The following ERGIC3 variants were observed in gnomAD, a reference collection of about 807,000 sequenced individuals.
ERGIC3 encodes the protein endoplasmic reticulum-Golgi intermediate compartment protein 3.
Under a neutral mutation model 54.7 loss-of-function variants are expected in ERGIC3, and 33 were observed. The ratio of observed to expected loss-of-function variants is 0.60; its 90% confidence interval spans 0.46 to 0.81. ERGIC3 has a LOEUF of 0.81. Among genes scored for constraint, ERGIC3 ranks in the 30% least tolerant of loss-of-function variants. The pLI, the probability that ERGIC3 is intolerant of heterozygous loss-of-function variation, is 0.00. For missense variants in ERGIC3, 399 were observed against 488.4 expected, an observed-to-expected ratio of 0.82 and a Z score of 1.73; for synonymous variants, 186 against 189.8, an observed-to-expected ratio of 0.98 and a Z score of 0.16.
chr20:35,548,426 A>C, intron 5 of ERGIC3, 83 bp from the exon 6 acceptor site: 1 of 1,455,572 alleles, frequency 6.9e-7, no homozygotes. Context: ...TAGCAGGCAG[A>C]GCTGCTCGGG....
Position 35,543,081 on chromosome 20 carries a change from C to T in ERGIC3, c.367+140C>T. On this transcript the variant is annotated intron_variant, in intron 4 of 12. Coordinates refer to ENST00000348547, the MANE Select transcript of ERGIC3 (RefSeq NM_015966.3). ...GAAGTCAAGTGACTTGCCTAGGGTCCCCCAGCTAGTAAGAGTCAGAGTGAG... is the reference window on the plus strand; with the variant it reads ...GAAGTCAAGTGACTTGCCTAGGGTCTCCCAGCTAGTAAGAGTCAGAGTGAG... 3 of 1,246,896 alleles carry T rather than the reference C, an allele frequency of 2.4e-6. No individual in the cohort carries two copies. In the Admixed American group the frequency reaches 6.0e-5, roughly 25 times the overall value. The allele number at this position is 1,246,896 out of a possible 1,614,324, so 77.2% of individuals were successfully genotyped here. A position where few individuals can be genotyped will look rare whatever the true frequency, so the allele number is the denominator to read the frequency against.
In ERGIC3 at chr20:35,548,672, A is replaced by G; in HGVS notation, c.625A>G (p.Lys209Glu). Residue 209 changes from lysine to glutamate, a missense_variant and splice_region_variant, in exon 6 of 13, where the codon AAG becomes GAG. Coordinates refer to ENST00000348547, the MANE Select transcript of ERGIC3 (RefSeq NM_015966.3). ...GGTGTATGGCTTCTTGGAAGTCAAT[A>G]AGGTATCAGGAGGGATCAAGACAAG... is the stretch of plus-strand genomic sequence containing the variant. ...CQVYGFLEVN[K>E]VAGNFHFAPG... is the part of the protein sequence containing the mutation. The G allele has an allele frequency of 6.2e-7, 1 of 1,614,242 alleles. No homozygotes were observed. The highest frequency in any genetic ancestry group is 1.3e-5 in the African/African-American group (1 of 75,070).
intron 7 of ERGIC3, among the ~76,000 whole-genome samples, chr20:35,553,020 A>ATTGTTTTTTTTTTTTTT (rs2064689768): frequency 2.4e-5 from 1 of 41,552 alleles, no homozygotes; most frequent in Admixed American, 4.5e-4. Context: ...AAAGCTGGGG[A>ATTGTTTTTTTTTTTTTT]TTTTTTTTTT....
chr20:35,548,684 G>A lies in ERGIC3; in HGVS notation c.627+10G>A. On this transcript the variant is annotated intron_variant, in intron 6 of 12. Transcript: ENST00000348547. The stretch of plus-strand genomic sequence containing the variant: ...CTTGGAAGTCAATAAGGTATCAGGA[G>A]GGATCAAGACAAGATAGGGCCAGCT... The A allele has an allele frequency of 6.2e-7, 1 of 1,614,256 alleles. No individual in the cohort carries two copies. The highest frequency in any genetic ancestry group is 8.5e-7 in the Non-Finnish European group (1 of 1,180,046).
At position 35,548,549 on chromosome 20, in the gene ERGIC3, C is replaced by G; in HGVS notation, c.502C>G (p.Arg168Gly). 1 of 1,614,170 alleles carries G rather than the reference C, an allele frequency of 6.2e-7. No individual in the cohort carries two copies. The highest frequency in any genetic ancestry group is 8.5e-7 in the Non-Finnish European group (1 of 1,180,042). The stretch of plus-strand genomic sequence containing the variant: ...TGAAGATGTGCGGGAGGCATATCGC[C>G]GTAGAGGCTGGGCCTTCAAGAACCC... ...TCEDVREAYR[R>G]RGWAFKNPDT... The change falls in exon 6 of 13, where the codon CGT becomes GGT. Residue 168 changes from arginine (R) to glycine (G), a missense_variant. Coordinates refer to ENST00000348547, the MANE Select transcript of ERGIC3 (RefSeq NM_015966.3).
intron 10 of ERGIC3, 23 bp from the exon 11 acceptor site, chr20:35,556,950 C>G (rs775717022): frequency 6.2e-7 from 1 of 1,613,774 alleles, no homozygotes; most frequent in Admixed American, 1.7e-5. Flanking sequence ...CTAGCCCTGG[C>G]CCAGGCTCCC....
chr20:35,543,055 A>G, intron 4 of ERGIC3, 114 bp downstream of exon 4: 2 of 1,520,946 alleles, frequency 1.3e-6, no homozygotes, highest in Non-Finnish European at 1.8e-6. Flanking sequence ...TAAGAGCTAG[A>G]GAAGTCAAGT....
intron 4 of ERGIC3, chr20:35,543,995 TG>T (rs1490007663): frequency 1.4e-5 from 4 of 289,192 alleles, no homozygotes; most frequent in African/African-American, 6.6e-5. Context: ...TAAGGATTGA[TG>T]GGGCACTGAA....
intron 12 of ERGIC3, 59 bp downstream of exon 12, chr20:35,557,308 C>T (rs2064719931): frequency 6.2e-7 from 1 of 1,612,680 alleles, no homozygotes; most frequent in Non-Finnish European, 8.5e-7. Context: ...CTGGGTGCCC[C>T]AGGTTTGGTT....
At chr20:35,549,059 C>A (rs999376404) in intron 7 of ERGIC3, 194 bp downstream of exon 7, 110 of 697,442 alleles carry the variant, frequency 1.6e-4, no homozygotes, top group Non-Finnish European at 3.2e-5. Flanking sequence ...CATTCAGATA[C>A]CAGTTTCAGA....
At chr20:35,556,937 G>GC in intron 10 of ERGIC3, 36 bp from the exon 11 acceptor site, 1 of 1,613,384 alleles carries the variant, frequency 6.2e-7, no homozygotes, top group Non-Finnish European at 8.5e-7. Context: ...CCAGGTCCTA[G>GC]CCCTAGCCCT....
At chr20:35,556,519 C>T in intron 10 of ERGIC3, 1 of 549,680 alleles carries the variant, frequency 1.8e-6, no homozygotes, top group South Asian at 2.1e-5. Context: ...TGCCCACCGT[C>T]TGCCTGCCTC....
chr20:35,542,210 G>C (rs1302762554), intron 1 of ERGIC3, 25 bp downstream of exon 1: 3 of 1,586,502 alleles, frequency 1.9e-6, no homozygotes, highest in Non-Finnish European at 1.7e-6. Context: ...GGCCGGGGTC[G>C]CGTGGAGGGG....
intron 5 of ERGIC3, 114 bp downstream of exon 5, chr20:35,547,619 C>T (rs952309943): frequency 3.4e-5 from 30 of 876,184 alleles, no homozygotes; most frequent in Non-Finnish European, 4.8e-5. Flanking sequence ...CTAGAGTGGG[C>T]GGGGTATGTG....
At chr20:35,554,496 G>T (rs1005464699) in intron 7 of ERGIC3, 6 of 1,178,410 alleles carry the variant, frequency 5.1e-6, no homozygotes, top group Non-Finnish European at 7.5e-6. Flanking sequence ...CTCTGACCTG[G>T]CTGCTGGGTG....
chr20:35,548,706 A>C, intron 6 of ERGIC3, 32 bp downstream of exon 6: 1 of 1,614,208 alleles, frequency 6.2e-7, no homozygotes, highest in Non-Finnish European at 8.5e-7. Flanking sequence ...AGATAGGGCC[A>C]GCTGGGCTGG....
intron 7 of ERGIC3, 40 bp downstream of exon 7, chr20:35,548,905 C>A: frequency 6.2e-7 from 1 of 1,609,680 alleles, no homozygotes; most frequent in Non-Finnish European, 8.5e-7. Flanking sequence ...TAGATGCTGG[C>A]CACCTTCTTG....
At position 35,547,505 on chromosome 20, in the gene ERGIC3, A is replaced by C; in HGVS notation, c.461A>C (p.Lys154Thr). Reference sequence around the variant, plus strand: ...TATGGTGCTGAGGCAGAAGATATCAAGTGAGCTGGCGGGGAGCGGGAGCAG... The same window carrying C: ...TATGGTGCTGAGGCAGAAGATATCACGTGAGCTGGCGGGGAGCGGGAGCAG... ...SCYGAEAEDI[K>T]CCNTCEDVRE... The change falls in exon 5 of 13, where the codon AAG becomes ACG. Residue 154 changes from lysine to threonine, a missense_variant and splice_region_variant. Coordinates refer to ENST00000348547, the MANE Select transcript of ERGIC3 (RefSeq NM_015966.3). The C allele has an allele frequency of 6.2e-7, 1 of 1,613,856 alleles. No individual in the cohort carries two copies. The highest frequency in any genetic ancestry group is 8.5e-7 in the Non-Finnish European group (1 of 1,179,834).
chr20:35,546,066 T>G (rs2147304297), intron 4 of ERGIC3, among the ~76,000 whole-genome samples: 1 of 152,010 alleles, frequency 6.6e-6, no homozygotes, highest in Non-Finnish European at 1.5e-5. Context: ...AAAAGCCAAG[T>G]GGAGAGAGTT....
Sources: gnomAD v4.1 joint callset for allele counts (sites outside exome capture counted in the v4.1 genomes callset) on GRCh38, gnomAD v4.1.1 for gene constraint, MANE v1.5 for transcripts, NCBI Gene and HGNC (gene_info 2026-07-23, HGNC 2026-07-21) for gene names.